RPS19: variants seen among roughly 807,000 people sequenced by gnomAD.
RPS19 encodes the protein ribosomal protein S19.
A neutral mutation model predicts 20.3 loss-of-function variants in RPS19; 1 was observed. That is an observed-to-expected ratio of 0.05 (90% CI 0.02 to 0.23). The LOEUF (loss-of-function observed/expected upper bound fraction) is 0.23, where lower values mean the gene tolerates loss of function less well. Among genes scored for constraint, RPS19 ranks in the 10% least tolerant of loss-of-function variants. The pLI, the probability that RPS19 is intolerant of heterozygous loss-of-function variation, is 1.00. For synonymous variants in RPS19, 87 were observed against 74.8 expected (o/e 1.16, Z -0.84); for missense variants, 111 against 192.7 (o/e 0.58, Z 2.51).
chr19:41,866,057 G>T lies in RPS19; in HGVS notation c.173-2974G>T, dbSNP rs1271209314. ...TCAGGAGGTCAGGAGTTTGAGACCAGCCTGGCCAGCATGGTGAAACCCCAT... is the reference window on the plus strand; with the variant it reads ...TCAGGAGGTCAGGAGTTTGAGACCATCCTGGCCAGCATGGTGAAACCCCAT... On this transcript the variant is annotated intron_variant, in intron 3 of 5. Transcript: ENST00000598742. Among the ~76,000 whole-genome samples, 3 of 150,726 alleles carry T rather than the reference G, an allele frequency of 2.0e-5. No individual in the cohort carries two copies. In the East Asian group the frequency reaches 5.9e-4, roughly 30 times the overall value.
At chr19:41,866,741 G>A (rs1255497690) in intron 3 of RPS19, among the ~76,000 whole-genome samples, 1 of 152,202 alleles carries the variant, frequency 6.6e-6, no homozygotes, top group African/African-American at 2.4e-5. Flanking sequence ...CAGGGGCCGG[G>A]TGCGGTGGCT....
At chr19:41,871,220 T>G in intron 5 of RPS19, 131 bp from the exon 6 acceptor site, 1 of 806,938 alleles carries the variant, frequency 1.2e-6, no homozygotes, top group East Asian at 2.5e-5. Context: ...ACAGTGAGAA[T>G]TAGATGAGAT....
intron 3 of RPS19, among the ~76,000 whole-genome samples, chr19:41,867,991 A>G (rs935795289): frequency 3.9e-5 from 6 of 152,098 alleles, no homozygotes; most frequent in African/African-American, 1.4e-4. Flanking sequence ...GTGTGTAAGA[A>G]CTGTTTCTGG....
rs2074163336 is a variant in RPS19, at chr19:41,872,817, C to T, written c.*1440C>T. 6.6e-6 allele frequency: 1 copy of T among 152,210 alleles called. No individual in the cohort carries two copies. The highest frequency in any genetic ancestry group is 2.4e-5 in the African/African-American group (1 of 41,460). The allele number at this position is 152,210 out of a possible 1,614,324, so 9.4% of individuals were successfully genotyped here. The stretch of plus-strand genomic sequence containing the variant: ...GGCTGAGGCAGAAGAATCGCTCGAA[C>T]CCCGGAGGCGGAGGTTGCAGTGGGT... On this transcript the variant is annotated 3_prime_UTR_variant, in exon 6 of 6. Coordinates refer to ENST00000598742, the MANE Select transcript of RPS19 (RefSeq NM_001022.4).
chr19:41,869,232 G>T lies in RPS19; in HGVS notation c.356+18G>T, dbSNP rs61762294. ...CAAGATGGGTAAGCAGGGTAGAGGG[G>T]GCTGCATTGATGGAGTAGCCTTGAG... On this transcript the variant is annotated intron_variant, in intron 4 of 5. Transcript: ENST00000598742. The T allele has an allele frequency of 1.4e-5, 22 of 1,608,362 alleles. No homozygotes were observed. The highest frequency in any genetic ancestry group is 2.7e-5 in the African/African-American group (2 of 74,784).
rs782035540 is a variant in RPS19 at position 41,871,627 on chromosome 19, G to A, written c.*250G>A. On this transcript the variant is annotated 3_prime_UTR_variant, in exon 6 of 6. Coordinates refer to ENST00000598742, the MANE Select transcript of RPS19 (RefSeq NM_001022.4). Reference sequence around the variant, plus strand: ...TTCTTCAGGGGCATGAGGAAGAGGCGCTTCCTCCCTTCCCTTGGGTGAGGG... The same window carrying A: ...TTCTTCAGGGGCATGAGGAAGAGGCACTTCCTCCCTTCCCTTGGGTGAGGG... The A allele has an allele frequency of 4.2e-5, 21 of 502,430 alleles. No homozygotes were observed. Among genetic ancestry groups the A allele is most frequent in the Non-Finnish European group, 6.8e-5 (19 of 277,760 alleles). The allele number at this position is 502,430 out of a possible 1,614,324, so 31.1% of individuals were successfully genotyped here. A position where few individuals can be genotyped will look rare whatever the true frequency, so the allele number is the denominator to read the frequency against.
chr19:41,866,145 CGGGAG>C (rs1404193247), intron 3 of RPS19, among the ~76,000 whole-genome samples: 1 of 147,526 alleles, frequency 6.8e-6, no homozygotes, highest in African/African-American at 2.5e-5. Context: ...CCCAGCTACT[CGGGAG>C]GCTGAGACAG....
intron 4 of RPS19, 129 bp downstream of exon 4, chr19:41,869,343 A>G (rs1600621961): frequency 2.3e-6 from 2 of 888,840 alleles, no homozygotes; most frequent in South Asian, 1.7e-5. Flanking sequence ...GCAGGAGGGG[A>G]TTCTGCAGAA....
intron 3 of RPS19, chr19:41,864,196 G>C (rs1175235663): frequency 7.2e-5 from 11 of 152,386 alleles, no homozygotes; most frequent in African/African-American, 2.2e-4. Flanking sequence ...ATGGAGATGT[G>C]GGAGTCCAGT....
At chr19:41,867,739 A>G (rs1421662423) in intron 3 of RPS19, among the ~76,000 whole-genome samples, 1 of 151,978 alleles carries the variant, frequency 6.6e-6, no homozygotes, top group Non-Finnish European at 1.5e-5. Flanking sequence ...CAGGAGTTCG[A>G]GGCTGCAGTG....
intron 3 of RPS19, among the ~76,000 whole-genome samples, chr19:41,866,942 G>A (rs1467335891): frequency 3.3e-5 from 5 of 151,860 alleles, no homozygotes; most frequent in Admixed American, 6.6e-5. Context: ...GAGTGAACCC[G>A]GAAGGCAGAG....
At chr19:41,862,048 C>T (rs915737777) in intron 3 of RPS19, among the ~76,000 whole-genome samples, 2 of 150,152 alleles carry the variant, frequency 1.3e-5, no homozygotes, top group African/African-American at 4.9e-5. Flanking sequence ...TAAGGGGCCT[C>T]GGCCTCTCCA....
intron 3 of RPS19, 126 bp from the exon 4 acceptor site, chr19:41,868,905 G>A (rs1315393344): frequency 1.0e-5 from 10 of 984,778 alleles, no homozygotes; most frequent in Non-Finnish European, 1.5e-5. Context: ...TCAGTTTCTG[G>A]GTGTTAGTGT....
In RPS19 at chr19:41,861,192, A is replaced by T; in HGVS notation, c.152A>T (p.Asn51Ile). The T allele has an allele frequency of 6.2e-7, 1 of 1,613,818 alleles. No individual in the cohort carries two copies. The change falls in exon 3 of 6, where the codon AAC becomes ATC. Residue 51 changes from asparagine (N) to isoleucine (I), a missense_variant. Coordinates refer to ENST00000598742, the MANE Select transcript of RPS19 (RefSeq NM_001022.4). ...AAAGAGCTTGCTCCCTACGATGAGA[A>T]CTGGTTCTACACGCGAGCTGGTGAG... ...KHKELAPYDE[N>I]WFYTRAASTA... is the part of the protein sequence containing the mutation.
Position 41,860,610 on chromosome 19 carries a change from C to T in RPS19, c.1-165C>T, listed in dbSNP as rs568106574. ...AGAGGCCGTGGGCGTCGGTGAGCTC[C>T]TTCAGACCCGCAGGAGCCGGAGCCC... On this transcript the variant is annotated intron_variant, in intron 1 of 5. Coordinates refer to ENST00000598742, the MANE Select transcript of RPS19 (RefSeq NM_001022.4). 666 of 743,134 alleles carry T rather than the reference C, an allele frequency of 9.0e-4. 3 individuals are homozygous for T. Among genetic ancestry groups the T allele is most frequent in the South Asian group, 6.0e-3 (430 of 71,402 alleles). 46.0% of individuals were successfully genotyped at this position (743,134 alleles called of 1,614,324 possible).
In RPS19 at chr19:41,872,304, G is replaced by A. The variant is rs1555842189; in HGVS notation, c.*927G>A. The A allele has an allele frequency of 6.6e-6, 1 of 152,298 alleles. No individual in the cohort carries two copies. The highest frequency in any genetic ancestry group is 1.5e-5 in the Non-Finnish European group (1 of 68,064). 9.4% of individuals were successfully genotyped at this position (152,298 alleles called of 1,614,324 possible). A position where few individuals can be genotyped will look rare whatever the true frequency, so the allele number is the denominator to read the frequency against. On this transcript the variant is annotated 3_prime_UTR_variant, in exon 6 of 6. Transcript: ENST00000598742. The stretch of plus-strand genomic sequence containing the variant: ...ACCAGATGTCCCTCCCAGTTGGGAA[G>A]ACTAAACTGGTTTGGCCAATATCTC...
At chr19:41,861,822 G>A (rs1423600748) in intron 3 of RPS19, among the ~76,000 whole-genome samples, 2 of 152,168 alleles carry the variant, frequency 1.3e-5, no homozygotes, top group African/African-American at 4.8e-5. Context: ...TTTAAATCTT[G>A]ACTTCTGATC....
intron 5 of RPS19, among the ~76,000 whole-genome samples, chr19:41,870,340 G>C (rs1390687930): frequency 2.6e-5 from 4 of 152,102 alleles, no homozygotes; most frequent in Admixed American, 1.3e-4. Flanking sequence ...CCCTCCCCAG[G>C]TCAGCCTGCG....
At chr19:41,860,953 T>A in intron 2 of RPS19, 108 bp downstream of exon 2, 1 of 1,163,758 alleles carries the variant, frequency 8.6e-7, no homozygotes, top group Non-Finnish European at 1.3e-6. Context: ...GTTTGGGGCC[T>A]CCGTGGCTCC....
Sources: gnomAD v4.1 joint callset for allele counts (sites outside exome capture counted in the v4.1 genomes callset) on GRCh38, gnomAD v4.1.1 for gene constraint, MANE v1.5 for transcripts, NCBI Gene and HGNC (gene_info 2026-07-23, HGNC 2026-07-21) for gene names.